Variants in FLG observed in about 807,000 individuals in gnomAD.
FLG encodes filaggrin, also known as epidermal filaggrin.
In FLG, 6 loss-of-function variants were observed where a neutral mutation model predicts 3.8. The observed-to-expected ratio is 1.60, with a 90% CI of 0.87 to 3.15. The LOEUF (loss-of-function observed/expected upper bound fraction) is 3.15. Ranked by LOEUF, FLG falls within the 30% of genes most tolerant of loss-of-function variation. The probability of loss-of-function intolerance (pLI) is 0.00; values close to 1 mark genes in which losing one functional copy is unlikely to be tolerated. For missense variants in FLG, 7,595 were observed against 5,050.9 expected (o/e 1.50, Z -15.27); for synonymous variants, 2,551 against 1,931.6 (o/e 1.32, Z -8.41).
Position 152,304,853 on chromosome 1 carries a change from C to T in FLG, c.10033G>A (p.Gly3345Arg), listed in dbSNP as rs1353933532. The change falls in exon 3 of 3, where the codon GGA (glycine) becomes AGA (arginine). Residue 3345 changes from glycine to arginine, a missense_variant. By Grantham distance (125) the Gly-to-Arg change is moderately radical. Transcript: ENST00000368799. Reference sequence around the variant, plus strand: ...TGTGTGTCTGACTCTTCTGAATGTCCCTCACTATCACTGGCCTGACTACCA... The same window carrying T: ...TGTGTGTCTGACTCTTCTGAATGTCTCTCACTATCACTGGCCTGACTACCA... ...SSGSQASDSE[G>R]HSEESDTQSV... 2 of 1,613,752 alleles carry T rather than the reference C, an allele frequency of 1.2e-6. No individual in the cohort carries two copies. Among genetic ancestry groups the T allele is most frequent in the Non-Finnish European group, 1.7e-6 (2 of 1,179,978 alleles).
In FLG at chr1:152,315,435, T is replaced by A. The variant is rs1652753562; in HGVS notation, c.22A>T (p.Ile8Phe). The A allele has an allele frequency of 6.2e-7, 1 of 1,612,334 alleles. No homozygotes were observed. Among genetic ancestry groups the A allele is most frequent in the Non-Finnish European group, 8.5e-7 (1 of 1,179,206 alleles). Residue 8 changes from isoleucine (I) to phenylalanine (F), a missense_variant, in exon 2 of 3, where the codon ATC becomes TTC. By Grantham distance (21) the Ile-to-Phe change is conservative. Transcript: ENST00000368799. MSTLLENIFAIINLFKQY... is the reference protein window; with the variant it reads MSTLLENFFAIINLFKQY... Reference sequence around the variant, plus strand: ...TTGAAAAGATTAATTATGGCAAAGATGTTTTCCAGGAGAGTAGACATCTTT... The same window carrying A: ...TTGAAAAGATTAATTATGGCAAAGAAGTTTTCCAGGAGAGTAGACATCTTT...
chr1:152,312,966 A>C lies in FLG; in HGVS notation c.1920T>G (p.Ser640=), dbSNP rs576449600. ...CAGATCCATGATGGTTTCTGGAAGC[A>C]GACCCAGACCACCTCTCAGAGTCTT... is the stretch of plus-strand genomic sequence containing the variant. ...HSEDSERWSG[S]ASRNHHGSAQ... The change falls in exon 3 of 3, where the codon TCT becomes TCG. Residue 640 remains serine, a synonymous_variant. Transcript: ENST00000368799. 4.8e-5 allele frequency: 78 copies of C among 1,613,936 alleles called. No individual in the cohort carries two copies. The Admixed American group carries it at 7.3e-4, about 15-fold the overall frequency.
chr1:152,307,525 G>A lies in FLG; in HGVS notation c.7361C>T (p.Thr2454Met), dbSNP rs553191250. The A allele has an allele frequency of 1.7e-5, 27 of 1,613,134 alleles. No homozygotes were observed. Among genetic ancestry groups the A allele is most frequent in the Admixed American group, 5.0e-5 (3 of 59,874 alleles). ...AATGGTGTCCTGACCCTCTTGGGACGTTGAGTGCCTGGAGCTGTCTCGTGC... is the reference window on the plus strand; with the variant it reads ...AATGGTGTCCTGACCCTCTTGGGACATTGAGTGCCTGGAGCTGTCTCGTGC... ...KQARDSSRHS[T>M]SQEGQDTIHG... The change falls in exon 3 of 3, where the codon ACG (threonine) becomes ATG (methionine). Residue 2454 changes from threonine (T) to methionine (M), a missense_variant. Coordinates refer to ENST00000368799, the MANE Select transcript of FLG (RefSeq NM_002016.2).
In FLG at chr1:152,309,205, C is replaced by A. The variant is rs1652211221; in HGVS notation, c.5681G>T (p.Ser1894Ile). The change falls in exon 3 of 3, where the codon AGC becomes ATC. Residue 1894 changes from serine (S) to isoleucine (I), a missense_variant. By Grantham distance (142) the Ser-to-Ile change is moderately radical. Transcript: ENST00000368799. ...RHHEASSRAD[S>I]SRHSQVGQGQ... ...CTGGCCCACCTGCGAGTGTCTAGAG[C>A]TGTCGGCCCGAGAGGAAGCTTCATG... 1 of 1,613,676 alleles carries A rather than the reference C, an allele frequency of 6.2e-7. No homozygotes were observed. The highest frequency in any genetic ancestry group is 1.7e-5 in the Admixed American group (1 of 59,972).
Position 152,305,729 on chromosome 1 carries a change from C to T in FLG, c.9157G>A (p.Gly3053Arg). Residue 3053 changes from glycine to arginine, a missense_variant, in exon 3 of 3, where the codon GGG (glycine) becomes AGG (arginine). Coordinates refer to ENST00000368799, the MANE Select transcript of FLG (RefSeq NM_002016.2). ...SHQESARGRS[G>R]ETSGHSGSFL... ...GATCCTGAATGTCCAGACGTTTCCC[C>T]TGACCGGCCACGTGCGGACTCTTGG... 8.0e-7 allele frequency: 1 copy of T among 1,255,954 alleles called. No homozygotes were observed. The highest frequency in any genetic ancestry group is 1.1e-6 in the Non-Finnish European group (1 of 936,452). 77.8% of individuals were successfully genotyped at this position (1,255,954 alleles called of 1,614,324 possible).
In FLG at chr1:152,309,238, G is replaced by A. The variant is rs1476409081; in HGVS notation, c.5648C>T (p.Ser1883Leu). Reference protein sequence around the residue: ...QSGDGSRHSGSRHHEASSRAD... With the variant: ...QSGDGSRHSGLRHHEASSRAD... ...CCGAGAGGAAGCTTCATGGTGACGC[G>A]ACCCTGAGTGCCTGGAGCCGTCTCC... The change falls in exon 3 of 3, where the codon TCG becomes TTG. Residue 1883 changes from serine (S) to leucine (L), a missense_variant. Coordinates refer to ENST00000368799, the MANE Select transcript of FLG (RefSeq NM_002016.2). 12 of 1,613,476 alleles carry A rather than the reference G, an allele frequency of 7.4e-6. No individual in the cohort carries two copies. The highest frequency in any genetic ancestry group is 4.5e-5 in the East Asian group (2 of 44,740).
rs779158407 is a variant in FLG at position 152,311,879 on chromosome 1, T to C, written c.3007A>G (p.Arg1003Gly). Reference protein sequence around the residue: ...AGHGHSADSSRQSGTPHAETS... With the variant: ...AGHGHSADSSGQSGTPHAETS... Reference sequence around the variant, plus strand: ...TCTGCGTGAGGAGTTCCTGATTGTCTGGAGCTGTCTGCAGAGTGCCCGTGA... The same window carrying C: ...TCTGCGTGAGGAGTTCCTGATTGTCCGGAGCTGTCTGCAGAGTGCCCGTGA... Residue 1003 changes from arginine (R) to glycine (G), a missense_variant, in exon 3 of 3, where the codon AGA (arginine) becomes GGA (glycine). Transcript: ENST00000368799. The C allele has an allele frequency of 3.1e-6, 5 of 1,614,066 alleles. No homozygotes were observed. The Admixed American group carries it at 8.3e-5, about 27-fold the overall frequency.
rs138132031 is a variant in FLG, at chr1:152,305,143, C to T, written c.9743G>A (p.Arg3248Lys). Residue 3248 changes from arginine to lysine, a missense_variant, in exon 3 of 3, where the codon AGG becomes AAG. Coordinates refer to ENST00000368799, the MANE Select transcript of FLG (RefSeq NM_002016.2). Reference protein sequence around the residue: ...NHRGSVQEQSRHGSRHPRSHH... With the variant: ...NHRGSVQEQSKHGSRHPRSHH... ...GGACCTGGGGTGTCTGGAGCCGTGC[C>T]TTGACTGCTCCTGAACAGATCCACG... 1 of 1,613,810 alleles carries T rather than the reference C, an allele frequency of 6.2e-7. No individual in the cohort carries two copies. Among genetic ancestry groups the T allele is most frequent in the East Asian group, 2.2e-5 (1 of 44,856 alleles).
chr1:152,307,203 C>A lies in FLG; in HGVS notation c.7683G>T (p.Arg2561Ser). 2.5e-6 allele frequency: 4 copies of A among 1,612,814 alleles called. No homozygotes were observed. In the South Asian group the frequency reaches 3.3e-5, roughly 13 times the overall value. ...QGQSEGPRTS[R>S]NWGSSFSQDS... ...CCTGGCTAAAACTGGATCCCCAGTT[C>A]CTGCTTGTCCTGGGCCCCTCTGATT... Residue 2561 changes from arginine (R) to serine (S), a missense_variant, in exon 3 of 3, where the codon AGG (arginine) becomes AGT (serine). Transcript: ENST00000368799.
rs1230027642 is a variant in FLG, at chr1:152,303,203, A to G, written c.11683T>C (p.Ser3895Pro). The change falls in exon 3 of 3, where the codon TCA becomes CCA. Residue 3895 changes from serine to proline, a missense_variant. Transcript: ENST00000368799. ...CCGGGGTGTCTGGAGCCATCTCTTGACTGCTCCCGAGAAGATCCATGATGG... is the reference window on the plus strand; with the variant it reads ...CCGGGGTGTCTGGAGCCATCTCTTGGCTGCTCCCGAGAAGATCCATGATGG... ...RNHHGSSREQSRDGSRHPGSS... is the reference protein window; with the variant it reads ...RNHHGSSREQPRDGSRHPGSS... The G allele has an allele frequency of 6.2e-7, 1 of 1,613,974 alleles. No homozygotes were observed. The highest frequency in any genetic ancestry group is 8.5e-7 in the Non-Finnish European group (1 of 1,179,994).
In FLG at chr1:152,312,868, G is replaced by T; in HGVS notation, c.2018C>A (p.Ser673Tyr). 3 of 1,614,098 alleles carry T rather than the reference G, an allele frequency of 1.9e-6. No homozygotes were observed. The highest frequency in any genetic ancestry group is 1.1e-5 in the South Asian group (1 of 91,076). ...GCCTGATTTTCTGGAGCTGTCTGCAGAGTGCCCATGACCAGCTCTGTCTTC... is the reference window on the plus strand; with the variant it reads ...GCCTGATTTTCTGGAGCTGTCTGCATAGTGCCCATGACCAGCTCTGTCTTC... Reference protein sequence around the residue: ...HHEDRAGHGHSADSSRKSGTR... With the variant: ...HHEDRAGHGHYADSSRKSGTR... Residue 673 changes from serine to tyrosine, a missense_variant, in exon 3 of 3, where the codon TCT (serine) becomes TAT (tyrosine). Coordinates refer to ENST00000368799, the MANE Select transcript of FLG (RefSeq NM_002016.2).
chr1:152,316,496 A>G (rs1443071528), intron 1 of FLG, among the ~76,000 whole-genome samples: 1 of 152,118 alleles, frequency 6.6e-6, no homozygotes, highest in African/African-American at 2.4e-5. Context: ...TAATAGAATT[A>G]CAAATAATTT....
chr1:152,318,332 C>A (rs1269516148), intron 1 of FLG, among the ~76,000 whole-genome samples: 1 of 151,958 alleles, frequency 6.6e-6, no homozygotes, highest in African/African-American at 2.4e-5. Flanking sequence ...AATACAGTGT[C>A]ATTTCTCCAT....
rs781420413 is a variant in FLG, at chr1:152,314,273, C to G, written c.613G>C (p.Glu205Gln). ...DNRKRLSERL[E>Q]EKEDNEEGVY... ...CCTTCTTCATTGTCTTCTTTCTCTT[C>G]AAGTCTTTCACTTAGCCTCTTCCTA... The change falls in exon 3 of 3, where the codon GAA becomes CAA. Residue 205 changes from glutamate (E) to glutamine (Q), a missense_variant. Transcript: ENST00000368799. The G allele has an allele frequency of 2.5e-6, 4 of 1,613,494 alleles. No individual in the cohort carries two copies. The highest frequency in any genetic ancestry group is 1.7e-4 in the Middle Eastern group (1 of 6,060).
In FLG at chr1:152,315,074, A is replaced by T. The variant is rs1652729872; in HGVS notation, c.138+245T>A. The T allele has an allele frequency of 7.4e-6, 3 of 404,610 alleles. No homozygotes were observed. In the South Asian group the frequency reaches 1.5e-4, roughly 20 times the overall value. The allele number at this position is 404,610 out of a possible 1,614,324, so 25.1% of individuals were successfully genotyped here. ...TGTTTGGGAGAATATTATAAATACC[A>T]AAATACTAAGAACTAATTTACATTA... On this transcript the variant is annotated intron_variant, in intron 2 of 2. Coordinates refer to ENST00000368799, the MANE Select transcript of FLG (RefSeq NM_002016.2).
At position 152,310,155 on chromosome 1, in the gene FLG, G is replaced by C. The variant is rs1164287184; in HGVS notation, c.4731C>G (p.Gly1577=). The C allele has an allele frequency of 2.5e-6, 4 of 1,613,718 alleles. No homozygotes were observed. The South Asian group carries it at 3.3e-5, about 13-fold the overall frequency. ...TCTTGGACCCCGCTGATTCTCCCTG[G>C]CCCACCTGTGAGTGTCTAGAGCTGC... The part of the protein sequence containing the change: ...RAGSSRHSQV[G]QGESAGSKTS... Residue 1577 remains glycine (G), a synonymous_variant, in exon 3 of 3, where the codon GGC becomes GGG. Transcript: ENST00000368799.
chr1:152,312,909 G>T lies in FLG; in HGVS notation c.1977C>A (p.His659Gln), dbSNP rs760567396. 2.5e-6 allele frequency: 4 copies of T among 1,613,916 alleles called. No individual in the cohort carries two copies. Among genetic ancestry groups the T allele is most frequent in the African/African-American group, 2.7e-5 (2 of 74,806 alleles). The change falls in exon 3 of 3, where the codon CAC becomes CAA. Residue 659 changes from histidine to glutamine, a missense_variant. Physicochemically the swap from His to Gln is conservative, Grantham distance 24 (BLOSUM62 0). Transcript: ENST00000368799. ...AQEQSRDGSRHPRSHHEDRAG... is the reference protein window; with the variant it reads ...AQEQSRDGSRQPRSHHEDRAG... ...CTCTGTCTTCGTGATGGGACCTGGG[G>T]TGTCTGGAGCCATCTCTTGACTGCT...
At position 152,310,534 on chromosome 1, in the gene FLG, G is replaced by T. The variant is rs535024448; in HGVS notation, c.4352C>A (p.Ser1451Tyr). ...FLYQVSSHEQ[S>Y]ESTHGQTAPS... ...TGCAGTCTGTCCGTGTGTGGACTCA[G>T]ACTGTTCATGAGAGCTCACCTGGTA... Residue 1451 changes from serine (S) to tyrosine (Y), a missense_variant, in exon 3 of 3, where the codon TCT (serine) becomes TAT (tyrosine). Physicochemically the swap from Ser to Tyr is moderately radical, Grantham distance 144. Transcript: ENST00000368799. The T allele has an allele frequency of 1.2e-6, 2 of 1,613,848 alleles. No homozygotes were observed. Among genetic ancestry groups the T allele is most frequent in the South Asian group, 2.2e-5 (2 of 91,066 alleles).
Position 152,304,927 on chromosome 1 carries a change from C to T in FLG, c.9959G>A (p.Arg3320His), listed in dbSNP as rs199927573. 582 of 1,613,448 alleles carry T rather than the reference C, an allele frequency of 3.6e-4. 11 individuals carry two copies. The South Asian group carries it at 5.7e-3, about 16-fold the overall frequency. The part of the protein sequence containing the change: ...ADSSRHSGIP[R>H]GQASSAVRDS... ...TCTGACTGCAGATGAAGCTTGTCCACGCGGAATGCCTGAGTGTCTGGAGCT... is the reference window on the plus strand; with the variant it reads ...TCTGACTGCAGATGAAGCTTGTCCATGCGGAATGCCTGAGTGTCTGGAGCT... The change falls in exon 3 of 3, where the codon CGT (arginine) becomes CAT (histidine). Residue 3320 changes from arginine to histidine, a missense_variant. Physicochemically the swap from Arg to His is conservative, Grantham distance 29. Transcript: ENST00000368799.
Sources: gnomAD v4.1 joint callset for allele counts (sites outside exome capture counted in the v4.1 genomes callset) on GRCh38, gnomAD v4.1.1 for gene constraint, MANE v1.5 for transcripts, NCBI Gene and HGNC (gene_info 2026-07-23, HGNC 2026-07-21) for gene names.